Variants in OXR1 observed in about 807,000 individuals in gnomAD.
OXR1 encodes oxidation resistance protein 1.
OXR1 carries 41 observed loss-of-function variants against 104.6 expected under a neutral mutation model. The observed-to-expected ratio is 0.39, with a 90% CI of 0.31 to 0.51. OXR1 has a LOEUF of 0.51. OXR1 is among the 20% of genes least tolerant of loss of function. The probability of loss-of-function intolerance (pLI) is 0.77; values close to 1 mark genes in which losing one functional copy is unlikely to be tolerated. For missense variants in OXR1, 955 were observed against 1,031.9 expected (o/e 0.93, Z 1.02); for synonymous variants, 348 against 348.4 (o/e 1.00, Z 0.01).
At chr8:106,447,745 C>T (rs1022251433) in intron 2 of OXR1, among the ~76,000 whole-genome samples, 1 of 152,198 alleles carries the variant, frequency 6.6e-6, no homozygotes, top group African/African-American at 2.4e-5. Context: ...TTCTCACATA[C>T]ATATCTGAAG....
intron 2 of OXR1, among the ~76,000 whole-genome samples, chr8:106,458,268 A>G (rs1282058463): frequency 6.6e-6 from 1 of 152,156 alleles, no homozygotes; most frequent in Non-Finnish European, 1.5e-5. Context: ...CAGGTCTGCC[A>G]TGGGACTCTG....
chr8:106,355,751 A>G (rs1815940894), intron 1 of OXR1, among the ~76,000 whole-genome samples: 2 of 151,946 alleles, frequency 1.3e-5, no homozygotes, highest in Admixed American at 1.3e-4. Context: ...CAATTCTTTA[A>G]TATTTATTTC....
chr8:106,317,148 G>A (rs182475895), intron 1 of OXR1, among the ~76,000 whole-genome samples: 205 of 152,298 alleles, frequency 1.3e-3, no homozygotes, highest in African/African-American at 4.7e-3. Context: ...AATAAAAGAG[G>A]AAGTGTGTTC....
Position 106,707,027 on chromosome 8 carries a change from A to T in OXR1, c.1506A>T (p.Leu502=), listed in dbSNP as rs746018802. Residue 502 remains leucine, a synonymous_variant, in exon 9 of 17, where the codon CTA becomes CTT. Coordinates refer to ENST00000517566, the MANE Select transcript of OXR1 (RefSeq NM_001198533.2). ...ACTCACAGACAGAGGCAGAAGAGCT[A>T]CGCAAACTTTGGAAAACCCATACTA... is the stretch of plus-strand genomic sequence containing the variant. The part of the protein sequence containing the change: ...NQDSQTEAEE[L]RKLWKTHTMQ... 1 of 1,613,966 alleles carries T rather than the reference A, an allele frequency of 6.2e-7. No homozygotes were observed. Among genetic ancestry groups the T allele is most frequent in the Non-Finnish European group, 8.5e-7 (1 of 1,179,958 alleles).
chr8:106,701,203 A>C (rs1830558672), intron 7 of OXR1, among the ~76,000 whole-genome samples: 7 of 152,156 alleles, frequency 4.6e-5, no homozygotes, highest in Admixed American at 4.6e-4. Context: ...CCACGTCCTC[A>C]ACTAAAAGAG....
intron 2 of OXR1, chr8:106,447,933 T>A (rs1395137880): frequency 6.5e-7 from 1 of 1,533,566 alleles, no homozygotes; most frequent in Non-Finnish European, 8.7e-7. Context: ...TAACGAGACA[T>A]CTAGTACGGG....
intron 3 of OXR1, among the ~76,000 whole-genome samples, chr8:106,569,737 G>A (rs368630685): frequency 2.6e-5 from 4 of 152,142 alleles, no homozygotes; most frequent in African/African-American, 9.7e-5. Context: ...ACCATTCTAC[G>A]TCAGTATCAC....
intron 3 of OXR1, among the ~76,000 whole-genome samples, chr8:106,558,153 A>G (rs775253222): frequency 4.6e-5 from 7 of 152,204 alleles, no homozygotes; most frequent in Non-Finnish European, 8.8e-5. Context: ...TACTGTGAGA[A>G]TCACATGAGT....
intron 3 of OXR1, among the ~76,000 whole-genome samples, chr8:106,536,229 AGAAAGAAAGAAAG>A (rs1487439176): frequency 5.4e-5 from 1 of 18,620 alleles, no homozygotes; most frequent in Admixed American, 9.1e-4. Context: ...CAAAAAAAAA[AGAAAGAAAGAAAG>A]AAAGAAAGAA....
intron 3 of OXR1, 48 bp from the exon 4 acceptor site, chr8:106,679,162 C>T (rs770151941): frequency 5.2e-6 from 6 of 1,155,120 alleles, no homozygotes; most frequent in South Asian, 2.5e-5. Context: ...CTTGACATTA[C>T]TCTGAAAGAA....
chr8:106,564,912 CT>C (rs1208830075), intron 3 of OXR1, among the ~76,000 whole-genome samples: 1 of 152,142 alleles, frequency 6.6e-6, no homozygotes, highest in African/African-American at 2.4e-5. Flanking sequence ...CAGAAAAGGC[CT>C]TCGATAAAAT....
At chr8:106,418,736 T>C (rs1818784800) in intron 2 of OXR1, among the ~76,000 whole-genome samples, 2 of 152,238 alleles carry the variant, frequency 1.3e-5, no homozygotes, top group African/African-American at 4.8e-5. Context: ...GGTTAATAGA[T>C]AGTTCAGCGC....
intron 3 of OXR1, among the ~76,000 whole-genome samples, chr8:106,663,053 A>G (rs1273473254): frequency 2.0e-5 from 3 of 152,194 alleles, no homozygotes; most frequent in Admixed American, 6.5e-5. Flanking sequence ...AATCCATCCT[A>G]TCCTTTAGGA....
chr8:106,322,242 A>C (rs1390425912), intron 1 of OXR1, among the ~76,000 whole-genome samples: 3 of 152,202 alleles, frequency 2.0e-5, no homozygotes, highest in Admixed American at 6.5e-5. Flanking sequence ...GGTTGGTTCA[A>C]CATACACAAA....
At chr8:106,516,478 C>T (rs576268631) in intron 2 of OXR1, among the ~76,000 whole-genome samples, 35 of 152,146 alleles carry the variant, frequency 2.3e-4, no homozygotes, top group African/African-American at 8.2e-4. Context: ...AGTAGCCATT[C>T]CAGGAATGAA....
chr8:106,347,595 G>A (rs1480386608), intron 1 of OXR1, among the ~76,000 whole-genome samples: 2 of 151,902 alleles, frequency 1.3e-5, no homozygotes, highest in Non-Finnish European at 2.9e-5. Context: ...ACAGGGACTA[G>A]GAAAAAAATT....
At chr8:106,511,521 C>T (rs1316994711) in intron 2 of OXR1, among the ~76,000 whole-genome samples, 2 of 146,090 alleles carry the variant, frequency 1.4e-5, no homozygotes, top group Admixed American at 7.2e-5. Context: ...TGCATTCATA[C>T]ACCTCACACA....
chr8:106,721,016 A>T (rs1159112393), intron 11 of OXR1, among the ~76,000 whole-genome samples: 3 of 152,118 alleles, frequency 2.0e-5, no homozygotes, highest in African/African-American at 7.2e-5. Flanking sequence ...ATCATGAGAC[A>T]TTACATGCTG....
chr8:106,417,248 A>G (rs1818716999), intron 2 of OXR1, among the ~76,000 whole-genome samples: 1 of 152,134 alleles, frequency 6.6e-6, no homozygotes, highest in Non-Finnish European at 1.5e-5. Flanking sequence ...ATTTAACATG[A>G]TAGCTGGCAG....
Sources: allele counts gnomAD v4.1 joint callset (sites outside exome capture counted in the v4.1 genomes callset), GRCh38; gene constraint gnomAD v4.1.1; transcripts MANE v1.5; gene names NCBI Gene and HGNC (gene_info 2026-07-23, HGNC 2026-07-21).